The following TACR2 variants were observed in gnomAD, a reference collection of about 807,000 sequenced individuals.
The protein encoded by TACR2 is substance-K receptor.
A neutral mutation model predicts 28.9 loss-of-function variants in TACR2; 24 were observed. That is an observed-to-expected ratio of 0.83 (90% CI 0.60 to 1.17). The LOEUF (loss-of-function observed/expected upper bound fraction) is 1.17. Ranked by LOEUF, TACR2 falls within the 50% of genes most tolerant of loss-of-function variation. The probability of loss-of-function intolerance (pLI) is 0.00; values close to 1 mark genes in which losing one functional copy is unlikely to be tolerated. For missense variants in TACR2, 487 were observed against 524.4 expected, an observed-to-expected ratio of 0.93 and a Z score of 0.70; for synonymous variants, 222 against 212.6, an observed-to-expected ratio of 1.04 and a Z score of -0.38.
intron 2 of TACR2, among the ~76,000 whole-genome samples, chr10:69,413,519 C>G (rs572222646): frequency 6.6e-6 from 1 of 152,198 alleles, no homozygotes; most frequent in Non-Finnish European, 1.5e-5. Flanking sequence ...ATATGGATAT[C>G]GCCCTCCGTG....
chr10:69,415,404 G>C lies in TACR2; in HGVS notation c.393-265C>G, dbSNP rs890312983. On this transcript the variant is annotated intron_variant, in intron 1 of 4. Coordinates refer to ENST00000373306, the MANE Select transcript of TACR2 (RefSeq NM_001057.3). ...TCTGGGCATGGACATGCCCGTGGAC[G>C]GCCACAAGAAAGCCACACTGGAAGC... is the stretch of plus-strand genomic sequence containing the variant. Among the ~76,000 whole-genome samples the C allele has an allele frequency of 5.3e-5, 8 of 152,262 alleles. No individual in the cohort carries two copies. In the South Asian group the frequency reaches 1.7e-3, roughly 32 times the overall value.
chr10:69,409,904 CATATATATATATATATATATATAT>C (rs10663894), intron 2 of TACR2, among the ~76,000 whole-genome samples: 6 of 34,674 alleles, frequency 1.7e-4, no homozygotes, highest in East Asian at 7.5e-4. Context: ...TATATATATA[CATATATATATATATATATATATAT>C]ATATATATAT....
chr10:69,415,612 A>G (rs904346130), intron 1 of TACR2, among the ~76,000 whole-genome samples: 25 of 152,242 alleles, frequency 1.6e-4, no homozygotes, highest in African/African-American at 5.8e-4. Flanking sequence ...TGAAATAAAG[A>G]CAACAAAACA....
chr10:69,408,881 TCCAGGCCCCGCCCCCTC>T, intron 3 of TACR2, 24 bp downstream of exon 3: 11 of 25,324 alleles, frequency 4.3e-4, no homozygotes, highest in Non-Finnish European at 6.4e-4. Flanking sequence ...CCCCGCCCCC[TCCAGGCCCCGCCCCCTC>T]CAGGCCCCCG....
At chr10:69,413,538 G>C (rs1840586163) in intron 2 of TACR2, among the ~76,000 whole-genome samples, 1 of 152,228 alleles carries the variant, frequency 6.6e-6, no homozygotes, top group Non-Finnish European at 1.5e-5. Flanking sequence ...TGAGAGGGTG[G>C]GGTGCAGGGA....
chr10:69,408,995 G>T lies in TACR2; in HGVS notation c.668C>A (p.Thr223Lys), dbSNP rs749866019. ...TCCGGGCACTGCGCGCCTCCAGAGC[G>T]TGAGGCCGATGACGCTGTAGGCTAC... ...MFVAYSVIGL[T>K]LWRRAVPGHQ... The change falls in exon 3 of 5, where the codon ACG (threonine) becomes AAG (lysine). Residue 223 changes from threonine to lysine, a missense_variant. Thr to Lys is a moderately conservative substitution (Grantham distance 78). Transcript: ENST00000373306. 1 of 1,607,098 alleles carries T rather than the reference G, an allele frequency of 6.2e-7. No homozygotes were observed. Among genetic ancestry groups the T allele is most frequent in the Non-Finnish European group, 8.5e-7 (1 of 1,178,194 alleles).
At chr10:69,409,575 G>A (rs572460287) in intron 2 of TACR2, among the ~76,000 whole-genome samples, 38 of 152,098 alleles carry the variant, frequency 2.5e-4, no homozygotes, top group African/African-American at 8.2e-4. Context: ...TCCAAAATAG[G>A]GGAGGAGAGT....
chr10:69,414,992 C>G lies in TACR2; in HGVS notation c.540G>C (p.Lys180Asn). The change falls in exon 2 of 5, where the codon AAG (lysine) becomes AAC (asparagine). Residue 180 changes from lysine to asparagine, a missense_variant. Coordinates refer to ENST00000373306, the MANE Select transcript of TACR2 (RefSeq NM_001057.3). ...STVTMDQGAT[K>N]CVVAWPEDSG... is the part of the protein sequence containing the mutation. Reference sequence around the variant, plus strand: ...TGTCTTCGGGCCAGGCCACCACGCACTTGGTGGCACCCTGGTCCATGGTGA... The same window carrying G: ...TGTCTTCGGGCCAGGCCACCACGCAGTTGGTGGCACCCTGGTCCATGGTGA... The G allele has an allele frequency of 6.2e-7, 1 of 1,613,794 alleles. No individual in the cohort carries two copies. The highest frequency in any genetic ancestry group is 8.5e-7 in the Non-Finnish European group (1 of 1,179,978).
chr10:69,416,453 A>G lies in TACR2; in HGVS notation c.-130T>C. ...AGGAGCAGATGCCAAGCGTGGTGGC[A>G]CATCAGGAGAGCCTGGGGCCACTCC... On this transcript the variant is annotated 5_prime_UTR_variant, in exon 1 of 5. Transcript: ENST00000373306. 3 of 1,316,050 alleles carry G rather than the reference A, an allele frequency of 2.3e-6. No individual in the cohort carries two copies. The highest frequency in any genetic ancestry group is 3.1e-6 in the Non-Finnish European group (3 of 977,302). 81.5% of individuals were successfully genotyped at this position (1,316,050 alleles called of 1,614,324 possible). A position where few individuals can be genotyped will look rare whatever the true frequency, so the allele number is the denominator to read the frequency against.
At chr10:69,408,680 T>C (rs554733188) in intron 3 of TACR2, among the ~76,000 whole-genome samples, 1 of 152,310 alleles carries the variant, frequency 6.6e-6, no homozygotes, top group South Asian at 2.1e-4. Context: ...GGTCAGGCTC[T>C]GGCCCCAGAC....
At position 69,416,234 on chromosome 10, in the gene TACR2, G is replaced by C. The variant is rs200438692; in HGVS notation, c.90C>G (p.Ser30Arg). 1.1e-5 allele frequency: 18 copies of C among 1,613,874 alleles called. No homozygotes were observed. The highest frequency in any genetic ancestry group is 1.4e-5 in the Non-Finnish European group (17 of 1,179,922). ...CTGTGGCCCACAGTGCCAGTTGCCA[G>C]CTGGGCATGGAGAAGGCTGTGATGC... ...TTGITAFSMP[S>R]WQLALWATAY... The change falls in exon 1 of 5, where the codon AGC becomes AGG. Residue 30 changes from serine (S) to arginine (R), a missense_variant. Coordinates refer to ENST00000373306, the MANE Select transcript of TACR2 (RefSeq NM_001057.3).
At chr10:69,407,034 T>TGGGCAGTGGGGCC (rs760439177) in intron 4 of TACR2, 50 bp downstream of exon 4, 11 of 1,594,990 alleles carry the variant, frequency 6.9e-6, no homozygotes, top group Non-Finnish European at 9.4e-6. Flanking sequence ...CACCTGGGGC[T>TGGGCAGTGGGGCC]GGGCAGTGGG....
rs1461145965 is a variant in TACR2 at position 69,407,135 on chromosome 10, G to C, written c.887C>G (p.Ala296Gly). Residue 296 changes from alanine (A) to glycine (G), a missense_variant, in exon 4 of 5, where the codon GCC becomes GGC. Physicochemically the swap from Ala to Gly is moderately conservative, Grantham distance 60 (BLOSUM62 0). Transcript: ENST00000373306. ...GGGATTGTACATGGTAGAGCTCATGGCCAACCAGAAGAGTGCCAGGTAGAC... is the reference window on the plus strand; with the variant it reads ...GGGATTGTACATGGTAGAGCTCATGCCCAACCAGAAGAGTGCCAGGTAGAC... Reference protein sequence around the residue: ...QQVYLALFWLAMSSTMYNPII... With the variant: ...QQVYLALFWLGMSSTMYNPII... 3 of 1,614,028 alleles carry C rather than the reference G, an allele frequency of 1.9e-6. No homozygotes were observed.
intron 3 of TACR2, 21 bp downstream of exon 3, chr10:69,408,901 G>A (rs1166570369): frequency 1.9e-6 from 2 of 1,036,304 alleles, no homozygotes; most frequent in Non-Finnish European, 2.4e-6. Flanking sequence ...GCCCCCTCCA[G>A]GCCCCCGCCC....
intron 2 of TACR2, among the ~76,000 whole-genome samples, chr10:69,414,336 C>G (rs909025918): frequency 1.3e-5 from 2 of 152,234 alleles, no homozygotes; most frequent in African/African-American, 4.8e-5. Flanking sequence ...CCCAGACACA[C>G]GCCTACACAT....
At position 69,414,831 on chromosome 10, in the gene TACR2, C is replaced by T. The variant is rs1840597832; in HGVS notation, c.587+114G>A. On this transcript the variant is annotated intron_variant, in intron 2 of 4. Coordinates refer to ENST00000373306, the MANE Select transcript of TACR2 (RefSeq NM_001057.3). Reference sequence around the variant, plus strand: ...GTGTACACTCACTCATGTGTACACCCATGCATGCACACCACACATGCATGG... The same window carrying T: ...GTGTACACTCACTCATGTGTACACCTATGCATGCACACCACACATGCATGG... 39 of 1,173,144 alleles carry T rather than the reference C, an allele frequency of 3.3e-5. 2 individuals are homozygous for T. The South Asian group carries it at 5.0e-4, about 15-fold the overall frequency. The allele number at this position is 1,173,144 out of a possible 1,614,324, so 72.7% of individuals were successfully genotyped here.
rs2133000088 is a variant in TACR2 at position 69,403,923 on chromosome 10, T to C, written c.*903A>G. On this transcript the variant is annotated 3_prime_UTR_variant, in exon 5 of 5. Transcript: ENST00000373306. ...AGACTCACATACAAATGTGGATTTA[T>C]AGCTTCTCTTGAAAGATTTAGAAGA... The C allele has an allele frequency of 6.6e-6, 1 of 152,356 alleles. No homozygotes were observed. Among genetic ancestry groups the C allele is most frequent in the South Asian group, 2.1e-4 (1 of 4,830 alleles). The allele number at this position is 152,356 out of a possible 1,614,324, so 9.4% of individuals were successfully genotyped here.
intron 2 of TACR2, among the ~76,000 whole-genome samples, chr10:69,413,676 G>A (rs1840587361): frequency 6.6e-6 from 1 of 152,200 alleles, no homozygotes; most frequent in Non-Finnish European, 1.5e-5. Flanking sequence ...CAGGTGCTCA[G>A]GACAGATGGA....
Position 69,407,148 on chromosome 10 carries a change from G to C in TACR2, c.874C>G (p.Leu292Val). Reference sequence around the variant, plus strand: ...GTAGAGCTCATGGCCAACCAGAAGAGTGCCAGGTAGACTTGCTGGATGAAC... The same window carrying C: ...GTAGAGCTCATGGCCAACCAGAAGACTGCCAGGTAGACTTGCTGGATGAAC... ...HKFIQQVYLALFWLAMSSTMY... is the reference protein window; with the variant it reads ...HKFIQQVYLAVFWLAMSSTMY... Residue 292 changes from leucine to valine, a missense_variant, in exon 4 of 5, where the codon CTC (leucine) becomes GTC (valine). Leu to Val is a conservative substitution (Grantham distance 32). Transcript: ENST00000373306. 6.2e-7 allele frequency: 1 copy of C among 1,614,104 alleles called. No individual in the cohort carries two copies. The highest frequency in any genetic ancestry group is 8.5e-7 in the Non-Finnish European group (1 of 1,179,998).
Sources: allele counts gnomAD v4.1 joint callset (sites outside exome capture counted in the v4.1 genomes callset), GRCh38; gene constraint gnomAD v4.1.1; transcripts MANE v1.5; gene names NCBI Gene and HGNC (gene_info 2026-07-23, HGNC 2026-07-21).